The following PHKA1 variants were observed in gnomAD, a reference collection of about 807,000 sequenced individuals.
PHKA1 encodes the protein phosphorylase kinase regulatory subunit alpha 1.
PHKA1 carries 60 observed loss-of-function variants against 110.2 expected under a neutral mutation model. The observed-to-expected ratio is 0.54, with a 90% CI of 0.44 to 0.68. The LOEUF (loss-of-function observed/expected upper bound fraction) is 0.68. PHKA1 is among the 30% of genes least tolerant of loss of function. PHKA1 has a pLI of 0.00. For synonymous variants in PHKA1, 316 were observed against 333.6 expected, an observed-to-expected ratio of 0.95 and a Z score of 0.58; for missense variants, 801 against 942.5, an observed-to-expected ratio of 0.85 and a Z score of 1.97.
At chrX:72,710,374 T>A (rs1204597721) in intron 2 of PHKA1, among the ~76,000 whole-genome samples, 1 of 112,044 alleles carries the variant, frequency 8.9e-6, no homozygotes, top group Non-Finnish European at 1.9e-5. Context: ...GATTTGGTTA[T>A]AAGCAGCCTG....
intron 6 of PHKA1, among the ~76,000 whole-genome samples, chrX:72,670,143 A>G (rs2053669711): frequency 9.0e-6 from 1 of 111,443 alleles, no homozygotes; most frequent in South Asian, 3.8e-4. Flanking sequence ...GATGATGAGC[A>G]TTTTTTCATG....
At chrX:72,621,280 T>C (rs2052975770) in intron 18 of PHKA1, among the ~76,000 whole-genome samples, 2 of 111,510 alleles carry the variant, frequency 1.8e-5, no homozygotes, top group African/African-American at 6.5e-5. Context: ...GTCACACTAA[T>C]GTGAGGGGAC....
At chrX:72,596,461 A>G (rs2052591005) in intron 28 of PHKA1, among the ~76,000 whole-genome samples, 1 of 111,730 alleles carries the variant, frequency 9.0e-6, no homozygotes. Flanking sequence ...GTCTTACTAT[A>G]ATAAAAAAAT....
chrX:72,705,914 G>C (rs188137436), intron 2 of PHKA1, among the ~76,000 whole-genome samples: 5 of 111,454 alleles, frequency 4.5e-5, no homozygotes, highest in African/African-American at 1.6e-4. Flanking sequence ...CCCATCAATC[G>C]TGGCATGGGT....
intron 6 of PHKA1, among the ~76,000 whole-genome samples, chrX:72,668,751 G>A (rs2053643868): frequency 9.0e-6 from 1 of 111,284 alleles, no homozygotes; most frequent in African/African-American, 3.3e-5. Context: ...CCAAACTCAT[G>A]TCCTTCTCAC....
intron 14 of PHKA1, among the ~76,000 whole-genome samples, chrX:72,638,646 G>A (rs1460954296): frequency 3.6e-5 from 4 of 110,936 alleles, no homozygotes; most frequent in Non-Finnish European, 7.5e-5. Flanking sequence ...TAAGAAGATT[G>A]TGTTTTAGGA....
Position 72,712,847 on chromosome X carries a change from A to G in PHKA1, c.169T>C (p.Leu57=), listed in dbSNP as rs2054403491. ...NVYSILAVWG[L]GLAYRKNADR... ...GCATTCTTCCGATAGGCCAGGCCCA[A>G]ACCCCACACAGCCAAGATGCTGTAC... Residue 57 remains leucine, a synonymous_variant, in exon 2 of 32, where the codon TTG becomes CTG. Transcript: ENST00000373542. 5 of 1,210,076 alleles carry G rather than the reference A, an allele frequency of 4.1e-6. No homozygotes were observed. Among genetic ancestry groups the G allele is most frequent in the Non-Finnish European group, 5.6e-6 (5 of 894,129 alleles).
chrX:72,610,007 T>C (rs782238944), intron 22 of PHKA1, among the ~76,000 whole-genome samples: 1 of 111,407 alleles, frequency 9.0e-6, no homozygotes, highest in Non-Finnish European at 1.9e-5. Flanking sequence ...ATAAGAGTTA[T>C]ACATATTTAT....
chrX:72,650,978 T>A (rs1432259689), intron 12 of PHKA1, among the ~76,000 whole-genome samples: 1 of 112,102 alleles, frequency 8.9e-6, no homozygotes, highest in African/African-American at 3.2e-5. Flanking sequence ...CCTCCCAAAG[T>A]GGTGGGATTA....
At position 72,635,303 on chromosome X, in the gene PHKA1, A is replaced by G. The variant is rs2053217267; in HGVS notation, c.1570-4T>C. The G allele has an allele frequency of 8.4e-7, 1 of 1,197,003 alleles. No individual in the cohort carries two copies. The highest frequency in any genetic ancestry group is 3.0e-5 in the East Asian group (1 of 33,767). ...AGAACTGTTGCTGGTCTATAAACTGAGACAAATAAAAATAATAGATTAGAT... is the reference window on the plus strand; with the variant it reads ...AGAACTGTTGCTGGTCTATAAACTGGGACAAATAAAAATAATAGATTAGAT... On this transcript the variant is annotated splice_polypyrimidine_tract_variant and splice_region_variant and intron_variant, in intron 15 of 31. Transcript: ENST00000373542.
At chrX:72,617,786 A>G (rs2052919558) in intron 21 of PHKA1, among the ~76,000 whole-genome samples, 1 of 109,747 alleles carries the variant, frequency 9.1e-6, no homozygotes, top group South Asian at 4.0e-4. Flanking sequence ...AATTGTACCA[A>G]ATATTTAGAG....
chrX:72,580,680 T>G lies in PHKA1; in HGVS notation c.*322A>C, dbSNP rs782423955. 11 of 301,160 alleles carry G rather than the reference T, an allele frequency of 3.7e-5. No homozygotes were observed. Among genetic ancestry groups the G allele is most frequent in the Non-Finnish European group, 6.4e-5 (11 of 172,317 alleles). 24.8% of individuals were successfully genotyped at this position (301,160 alleles called of 1,213,427 possible). On this transcript the variant is annotated 3_prime_UTR_variant, in exon 32 of 32. Transcript: ENST00000373542. ...GCTCCCCAAACAGGAGTTAGAAAAC[T>G]ATATTGGTAACAGATCTAGAGAATA...
At chrX:72,685,164 A>C (rs183297760) in intron 4 of PHKA1, among the ~76,000 whole-genome samples, 19 of 111,637 alleles carry the variant, frequency 1.7e-4, no homozygotes, top group Non-Finnish European at 3.6e-4. Context: ...AAATTTTCCT[A>C]AGGTCATGTA....
At chrX:72,626,689 C>T (rs1230816819) in intron 17 of PHKA1, among the ~76,000 whole-genome samples, 1 of 111,270 alleles carries the variant, frequency 9.0e-6, no homozygotes, top group East Asian at 2.8e-4. Context: ...ATAAATTAAG[C>T]ATAGTAAGAG....
At chrX:72,673,853 G>A (rs782438251) in intron 6 of PHKA1, among the ~76,000 whole-genome samples, 3 of 108,226 alleles carry the variant, frequency 2.8e-5, no homozygotes, top group South Asian at 4.2e-4. Context: ...TGTACACAAC[G>A]TGCAGGTTTG....
chrX:72,644,661 TA>T (rs2053339484), intron 13 of PHKA1, among the ~76,000 whole-genome samples, 165 bp from the exon 14 acceptor site: 1 of 112,171 alleles, frequency 8.9e-6, no homozygotes, highest in South Asian at 3.7e-4. Flanking sequence ...TAAATAATAT[TA>T]TCTAAAAGGA....
In PHKA1 at chrX:72,603,134, C is replaced by T. The variant is rs1556245868; in HGVS notation, c.2902G>A (p.Gly968Arg). 1 of 1,198,414 alleles carries T rather than the reference C, an allele frequency of 8.3e-7. No homozygotes were observed. Among genetic ancestry groups the T allele is most frequent in the East Asian group, 3.0e-5 (1 of 33,782 alleles). The change falls in exon 26 of 32, where the codon GGA (glycine) becomes AGA (arginine). Residue 968 changes from glycine to arginine, a missense_variant. Around this residue, in one of 2 missense-constraint regions of PHKA1, gnomAD observed 502 missense variants for 519.2 expected, o/e 0.97. Coordinates refer to ENST00000373542, the MANE Select transcript of PHKA1 (RefSeq NM_002637.4). Reference sequence around the variant, plus strand: ...TCAATCTCACCGCTTCGTTCCACTCCAAACTCCTTGCCGCTGAGAATGTGA... The same window carrying T: ...TCAATCTCACCGCTTCGTTCCACTCTAAACTCCTTGCCGCTGAGAATGTGA... ...LHHILSGKEF[G>R]VERSVRPTDS...
At chrX:72,626,543 C>T (rs992568622) in intron 17 of PHKA1, among the ~76,000 whole-genome samples, 31 of 111,216 alleles carry the variant, frequency 2.8e-4, no homozygotes, top group African/African-American at 9.8e-4. Context: ...ATCGAAGATA[C>T]AGTTAGCCCC....
chrX:72,644,447 C>T lies in PHKA1; in HGVS notation c.1374G>A (p.Lys458=), dbSNP rs2147747689. The T allele has an allele frequency of 8.3e-7, 1 of 1,208,742 alleles. No individual in the cohort carries two copies. Among genetic ancestry groups the T allele is most frequent in the East Asian group, 3.0e-5 (1 of 33,822 alleles). The change falls in exon 14 of 32, where the codon AAG becomes AAA. Residue 458 remains lysine (K), a synonymous_variant. Transcript: ENST00000373542. ...TEEIKTILKD[K]GIYVETIAEV... is the part of the protein sequence containing the mutation. ...CAGCAATGGTCTCCACGTAAATTCC[C>T]TTGTCCTTCAAAATGGTCTTGATTT...
Sources: gnomAD v4.1 joint callset for allele counts (sites outside exome capture counted in the v4.1 genomes callset) on GRCh38, gnomAD v4.1.1 for gene constraint, gnomAD v4.1.1 regional missense constraint, MANE v1.5 for transcripts, NCBI Gene and HGNC (gene_info 2026-07-23, HGNC 2026-07-21) for gene names.